The following RALB variants were observed in gnomAD, a reference collection of about 807,000 sequenced individuals.
The protein encoded by RALB is ras-related protein Ral-B.
Under a neutral mutation model 21.3 loss-of-function variants are expected in RALB, and 16 were observed. The ratio of observed to expected loss-of-function variants is 0.75; its 90% CI spans 0.51 to 1.14. The LOEUF (loss-of-function observed/expected upper bound fraction) is 1.14, where lower values mean the gene tolerates loss of function less well. RALB is among the 50% of genes most tolerant of loss of function. The probability of loss-of-function intolerance (pLI) is 0.00; values close to 1 mark genes in which losing one functional copy is unlikely to be tolerated. For synonymous variants in RALB, 93 were observed against 96.1 expected (o/e 0.97, Z 0.19); for missense variants, 161 against 256.2 (o/e 0.63, Z 2.54).
chr2:120,292,868 G>A (rs968027602), intron 4 of RALB, among the ~76,000 whole-genome samples: 4 of 151,718 alleles, frequency 2.6e-5, no homozygotes, highest in Non-Finnish European at 5.9e-5. Context: ...TGTGTGATAC[G>A]AGCAGTTGTA....
chr2:120,246,435 G>C (rs13382415), intron 1 of RALB, among the ~76,000 whole-genome samples: 7,253 of 152,224 alleles, frequency 0.048, 598 homozygotes, highest in African/African-American at 0.17. Flanking sequence ...CTCTGAGACC[G>C]GGGGTCTCCT....
chr2:120,269,076 T>A (rs7593660), intron 1 of RALB, among the ~76,000 whole-genome samples: 105,683 of 152,076 alleles, frequency 0.69, 37,318 homozygotes, highest in Middle Eastern at 0.8. Flanking sequence ...ACTTCTCCAT[T>A]CTTTTCAATA....
intron 1 of RALB, among the ~76,000 whole-genome samples, chr2:120,246,178 G>A (rs1688968223): frequency 6.6e-6 from 1 of 152,252 alleles, no homozygotes; most frequent in African/African-American, 2.4e-5. Flanking sequence ...GGCGGGGTTT[G>A]GCATTTGTGG....
At chr2:120,242,952 G>A (rs181053976) in intron 1 of RALB, among the ~76,000 whole-genome samples, 227 of 152,202 alleles carry the variant, frequency 1.5e-3, no homozygotes, top group Non-Finnish European at 2.4e-3. Flanking sequence ...CAAAATGGAC[G>A]CGGACTAACT....
intron 1 of RALB, among the ~76,000 whole-genome samples, chr2:120,276,171 A>G (rs1689788422): frequency 6.6e-6 from 1 of 152,250 alleles, no homozygotes; most frequent in Non-Finnish European, 1.5e-5. Context: ...GCCTGGCCCC[A>G]GGTAGCCCTT....
At chr2:120,270,601 T>A (rs1689637729) in intron 1 of RALB, among the ~76,000 whole-genome samples, 1 of 94,888 alleles carries the variant, frequency 1.1e-5, no homozygotes. Context: ...CAATGGAAAA[T>A]AACTGGTTAA....
chr2:120,244,775 G>A (rs1443278205), intron 1 of RALB, among the ~76,000 whole-genome samples: 1 of 152,206 alleles, frequency 6.6e-6, no homozygotes, highest in African/African-American at 2.4e-5. Flanking sequence ...ATGACCTCTG[G>A]TTAGCCAGAG....
chr2:120,290,099 A>G (rs11682232), intron 4 of RALB, among the ~76,000 whole-genome samples: 79,417 of 151,962 alleles, frequency 0.52, 21,271 homozygotes, highest in Middle Eastern at 0.71. Flanking sequence ...CCTGGGCTCA[A>G]GCAATCCTCC....
At position 120,286,068 on chromosome 2, in the gene RALB, A is replaced by G. The variant is rs767367445; in HGVS notation, c.309A>G (p.Ala103=). Residue 103 remains alanine (A), a synonymous_variant, in exon 3 of 5, where the codon GCA becomes GCG. Transcript: ENST00000272519. ...FSITEHESFT[A]TAEFREQILR... ...TCACAGAACATGAATCCTTTACAGC[A>G]ACTGCCGAATTCAGGTATGTCTGAA... is the stretch of plus-strand genomic sequence containing the variant. 1 of 1,613,988 alleles carries G rather than the reference A, an allele frequency of 6.2e-7. No individual in the cohort carries two copies. The highest frequency in any genetic ancestry group is 1.7e-5 in the Admixed American group (1 of 60,000).
At position 120,260,475 on chromosome 2, in the gene RALB, G is replaced by A. The variant is rs538454399; in HGVS notation, c.-48+7495G>A. ...GCTGTGAGCCTGGGGCCAGGAGAGC[G>A]GTCAGGGCTGCATCCTCAGGTTCGT... On this transcript the variant is annotated intron_variant, in intron 1 of 4. Coordinates refer to ENST00000272519, the MANE Select transcript of RALB (RefSeq NM_002881.3). Among the ~76,000 whole-genome samples, 14 of 152,390 alleles carry A rather than the reference G, an allele frequency of 9.2e-5. No homozygotes were observed. In the South Asian group the frequency reaches 1.4e-3, roughly 16 times the overall value.
intron 1 of RALB, among the ~76,000 whole-genome samples, chr2:120,270,989 T>C (rs561763247): frequency 6.6e-6 from 1 of 152,332 alleles, no homozygotes; most frequent in East Asian, 1.9e-4. Flanking sequence ...TGCTGTGTGC[T>C]TCTGTTGCCG....
upstream of RALB, among the ~76,000 whole-genome samples, chr2:120,249,637 C>T (rs1689023209): frequency 6.6e-6 from 1 of 152,158 alleles, no homozygotes. Context: ...TAGCACTAAG[C>T]CATTCATGAG....
chr2:120,242,606 C>T (rs1032838891), intron 1 of RALB, among the ~76,000 whole-genome samples: 3 of 152,078 alleles, frequency 2.0e-5, no homozygotes, highest in African/African-American at 7.2e-5. Flanking sequence ...GGCGTGGTGG[C>T]AGGCGCCTGT....
At chr2:120,268,629 G>A (rs1175021400) in intron 1 of RALB, among the ~76,000 whole-genome samples, 1 of 152,150 alleles carries the variant, frequency 6.6e-6, no homozygotes, top group Non-Finnish European at 1.5e-5. Flanking sequence ...AGCCATGATC[G>A]TACCACTGCA....
intron 1 of RALB, among the ~76,000 whole-genome samples, chr2:120,277,275 G>T (rs1689822665): frequency 6.6e-6 from 1 of 152,112 alleles, no homozygotes; most frequent in Non-Finnish European, 1.5e-5. Context: ...GAGTGCATGG[G>T]AGCATGTGCG....
intron 1 of RALB, among the ~76,000 whole-genome samples, chr2:120,247,800 A>G (rs571383449): frequency 6.6e-6 from 1 of 152,304 alleles, no homozygotes; most frequent in East Asian, 1.9e-4. Flanking sequence ...TTTGCATGAG[A>G]ACTCAGGAGT....
At chr2:120,247,975 G>A (rs113676586), upstream of RALB, among the ~76,000 whole-genome samples, 2,689 of 152,284 alleles carry the variant, frequency 0.018, 84 homozygotes, top group African/African-American at 0.061. Context: ...ATTCCTGCAC[G>A]GGAATGAGCC....
At chr2:120,289,542 G>C (rs1558958333) in intron 3 of RALB, 38 bp from the exon 4 acceptor site, 2 of 1,597,084 alleles carry the variant, frequency 1.3e-6, no homozygotes, top group Non-Finnish European at 1.7e-6. Flanking sequence ...TCGTTCTTTA[G>C]TTTTTTTAGC....
At chr2:120,249,982 T>C (rs1248795799), upstream of RALB, among the ~76,000 whole-genome samples, 1 of 152,204 alleles carries the variant, frequency 6.6e-6, no homozygotes, top group Non-Finnish European at 1.5e-5. Flanking sequence ...CTCCTGTCCT[T>C]CCTCCTACCC....
Sources: allele counts gnomAD v4.1 joint callset (sites outside exome capture counted in the v4.1 genomes callset), GRCh38; gene constraint gnomAD v4.1.1; transcripts MANE v1.5; gene names NCBI Gene and HGNC (gene_info 2026-07-23, HGNC 2026-07-21).